KDM7A: variants seen among roughly 807,000 people sequenced by gnomAD.
The protein encoded by KDM7A is lysine demethylase 7A.
KDM7A carries 28 observed loss-of-function variants against 114.8 expected under a neutral mutation model. The observed-to-expected ratio is 0.24, with a 90% confidence interval of 0.18 to 0.33. The LOEUF (loss-of-function observed/expected upper bound fraction) is 0.33, where lower values mean the gene tolerates loss of function less well. KDM7A is among the 10% of genes least tolerant of loss of function. The probability of loss-of-function intolerance (pLI) is 1.00; values close to 1 mark genes in which losing one functional copy is unlikely to be tolerated. For synonymous variants in KDM7A, 423 were observed against 397.8 expected, an observed-to-expected ratio of 1.06 and a Z score of -0.75; for missense variants, 942 against 1,142.5, an observed-to-expected ratio of 0.82 and a Z score of 2.53.
chr7:140,100,661 T>TATATATATATATATAC (rs1491462744), intron 12 of KDM7A, among the ~76,000 whole-genome samples: 64 of 40,734 alleles, frequency 1.6e-3, no homozygotes, highest in Admixed American at 3.0e-3. Flanking sequence ...TTTAAAAAGT[T>TATATATATATATATAC]ATATATATAT....
intron 1 of KDM7A, among the ~76,000 whole-genome samples, chr7:140,170,039 G>T (rs1009573264): frequency 6.6e-6 from 1 of 152,064 alleles, no homozygotes; most frequent in Admixed American, 6.5e-5. Flanking sequence ...TGAGCTTTTT[G>T]TTTTCTTATA....
rs569776932 is a variant in KDM7A at position 140,170,159 on chromosome 7, AAATACACTCTAATAAAAAAAATCCATT to A, written c.194+6558_194+6584del. ...ATCCCTAACCAATTTTAAGAAGTCA[AAATACACTCTAATAAAAAAAATCCATT>A]TATATAACAAGGATGAAAGCGGAGT... is the stretch of plus-strand genomic sequence containing the variant. On this transcript the variant is annotated intron_variant, in intron 1 of 19. Transcript: ENST00000397560. Among the ~76,000 whole-genome samples the A allele has an allele frequency of 4.2e-3, 635 of 152,290 alleles. 6 individuals carry two copies. The highest frequency in any genetic ancestry group is 0.015 in the African/African-American group (613 of 41,540).
chr7:140,108,602 A>G (rs1818382030), intron 11 of KDM7A, among the ~76,000 whole-genome samples: 1 of 152,156 alleles, frequency 6.6e-6, no homozygotes, highest in Admixed American at 6.5e-5. Flanking sequence ...GCAGAACAGC[A>G]AAGGTTGCTG....
intron 1 of KDM7A, among the ~76,000 whole-genome samples, chr7:140,150,053 C>T (rs1046312776): frequency 6.6e-6 from 1 of 152,116 alleles, no homozygotes; most frequent in African/African-American, 2.4e-5. Flanking sequence ...TTACTACCTG[C>T]TTTCTGTCTT....
Position 140,139,102 on chromosome 7 carries a change from T to C in KDM7A, c.280+3A>G. ...CATTTTTATTTAAGCATCTAGTACT[T>C]ACTCAAGGAGGAACCATGTAAAACT... On this transcript the variant is annotated splice_donor_region_variant and intron_variant, in intron 2 of 19. Transcript: ENST00000397560. 2 of 1,593,170 alleles carry C rather than the reference T, an allele frequency of 1.3e-6. No homozygotes were observed. Among genetic ancestry groups the C allele is most frequent in the South Asian group, 1.1e-5 (1 of 90,432 alleles).
At chr7:140,110,893 T>C (rs1156937141) in intron 11 of KDM7A, among the ~76,000 whole-genome samples, 5 of 152,352 alleles carry the variant, frequency 3.3e-5, no homozygotes, top group South Asian at 4.1e-4. Context: ...ATTACTTCAT[T>C]AGAATTCATT....
chr7:140,111,617 TTTTTC>T (rs1818433157), intron 10 of KDM7A, among the ~76,000 whole-genome samples: 4 of 152,212 alleles, frequency 2.6e-5, no homozygotes, highest in African/African-American at 9.6e-5. Context: ...TTTGTACTTT[TTTTTC>T]TTTTAATAGT....
chr7:140,138,015 C>T (rs907826304), intron 2 of KDM7A, among the ~76,000 whole-genome samples: 1 of 152,122 alleles, frequency 6.6e-6, no homozygotes, highest in Non-Finnish European at 1.5e-5. Flanking sequence ...TAGTCTGCAG[C>T]CTAAAATGTC....
chr7:140,100,719 T>TATATACAC (rs1818204457), intron 12 of KDM7A, among the ~76,000 whole-genome samples: 1 of 59,720 alleles, frequency 1.7e-5, no homozygotes, highest in Non-Finnish European at 3.4e-5. Flanking sequence ...CACATATATA[T>TATATACAC]ATATATATAT....
At chr7:140,152,961 G>T (rs1794417557) in intron 1 of KDM7A, among the ~76,000 whole-genome samples, 1 of 151,842 alleles carries the variant, frequency 6.6e-6, no homozygotes, top group Non-Finnish European at 1.5e-5. Context: ...CTGGGTTCAA[G>T]CGATTCTTGT....
At chr7:140,149,904 G>A (rs1376716462) in intron 1 of KDM7A, among the ~76,000 whole-genome samples, 2 of 152,188 alleles carry the variant, frequency 1.3e-5, no homozygotes, top group African/African-American at 2.4e-5. Context: ...TATCTGAAGT[G>A]TGTATATACA....
In KDM7A at chr7:140,113,545, T is replaced by C; in HGVS notation, c.1284A>G (p.Leu428=). Residue 428 remains leucine, a synonymous_variant, in exon 10 of 20, where the codon CTA becomes CTG. Transcript: ENST00000397560. ...REDGFQPQTY[L]VQGVKALHTA... is the part of the protein sequence containing the mutation. ...TATGCAGTGCTTTCACTCCCTGTAC[T>C]AGGTAAGTTTGAGGCTGGAAACCAT... is the stretch of plus-strand genomic sequence containing the variant. 1.2e-6 allele frequency: 2 copies of C among 1,606,992 alleles called. No individual in the cohort carries two copies. The highest frequency in any genetic ancestry group is 1.7e-6 in the Non-Finnish European group (2 of 1,174,768).
chr7:140,101,571 A>T (rs570631932), intron 12 of KDM7A, among the ~76,000 whole-genome samples: 1 of 152,082 alleles, frequency 6.6e-6, no homozygotes, highest in Admixed American at 6.6e-5. Flanking sequence ...AATAACGCTT[A>T]TCATCTGAAA....
intron 1 of KDM7A, among the ~76,000 whole-genome samples, chr7:140,146,904 C>T (rs552606243): frequency 6.6e-6 from 1 of 152,256 alleles, no homozygotes; most frequent in East Asian, 1.9e-4. Flanking sequence ...ATAACACTCT[C>T]ATTTATATTC....
In KDM7A at chr7:140,176,623, C is replaced by G. The variant is rs1041021072; in HGVS notation, c.194+121G>C. 14 of 715,046 alleles carry G rather than the reference C, an allele frequency of 2.0e-5. No homozygotes were observed. The highest frequency in any genetic ancestry group is 6.4e-5 in the Admixed American group (1 of 15,504). The allele number at this position is 715,046 out of a possible 1,614,324, so 44.3% of individuals were successfully genotyped here. A position where few individuals can be genotyped will look rare whatever the true frequency, so the allele number is the denominator to read the frequency against. ...CCGGCCGGGGGGCTAGGCACCGGGG[C>G]CCCCTGAAAGCTGGGCGCGGCGCGG... On this transcript the variant is annotated intron_variant, in intron 1 of 19. Coordinates refer to ENST00000397560, the MANE Select transcript of KDM7A (RefSeq NM_030647.2). The surrounding 1 kb of genome is among the most constrained non-coding windows in gnomAD (Gnocchi z 4.4).
At chr7:140,161,533 T>C (rs1456617628) in intron 1 of KDM7A, among the ~76,000 whole-genome samples, 6 of 152,170 alleles carry the variant, frequency 3.9e-5, no homozygotes, top group Non-Finnish European at 8.8e-5. Flanking sequence ...GTTTTGTTTT[T>C]TCGTTTTTTT....
chr7:140,166,834 A>C (rs1794581435), intron 1 of KDM7A, among the ~76,000 whole-genome samples: 1 of 152,238 alleles, frequency 6.6e-6, no homozygotes, highest in South Asian at 2.1e-4. Context: ...TGGGCAAAGA[A>C]GTACTAAAAC....
At chr7:140,119,242 T>C in intron 8 of KDM7A, 23 bp from the exon 9 acceptor site, 1 of 1,258,454 alleles carries the variant, frequency 7.9e-7, no homozygotes, top group Non-Finnish European at 1.1e-6. Context: ...GAAGAAATTT[T>C]TAATATTAAT....
At chr7:140,172,908 C>T (rs1206241488) in intron 1 of KDM7A, among the ~76,000 whole-genome samples, 2 of 152,038 alleles carry the variant, frequency 1.3e-5, no homozygotes, top group Non-Finnish European at 2.9e-5. Context: ...GGAAGACATG[C>T]GTACTTTCAT....
Sources: gnomAD v4.1 joint callset for allele counts (sites outside exome capture counted in the v4.1 genomes callset) on GRCh38, gnomAD v4.1.1 for gene constraint, Gnocchi (gnomAD v3.1) non-coding constraint, MANE v1.5 for transcripts, NCBI Gene and HGNC (gene_info 2026-07-23, HGNC 2026-07-21) for gene names.